TUFT1: variants seen among roughly 807,000 people sequenced by gnomAD.
TUFT1 encodes tuftelin.
A neutral mutation model predicts 57.8 loss-of-function variants in TUFT1; 43 were observed. That is an observed-to-expected ratio of 0.74 (90% CI 0.58 to 0.96). TUFT1 has a LOEUF of 0.96. Among genes scored for constraint, TUFT1 ranks in the 40% least tolerant of loss-of-function variants. TUFT1 has a pLI of 0.00. For synonymous variants in TUFT1, 166 were observed against 176.7 expected (o/e 0.94, Z 0.48); for missense variants, 459 against 489.0 (o/e 0.94, Z 0.58).
chr1:151,570,514 T>C (rs1001453619), intron 7 of TUFT1, among the ~76,000 whole-genome samples: 3 of 151,980 alleles, frequency 2.0e-5, no homozygotes, highest in Non-Finnish European at 4.4e-5. Context: ...TCTCCTGACC[T>C]TGTGATCCAC....
At chr1:151,544,294 T>C (rs543074324) in intron 1 of TUFT1, among the ~76,000 whole-genome samples, 2 of 152,068 alleles carry the variant, frequency 1.3e-5, no homozygotes, top group African/African-American at 4.8e-5. Context: ...AATCACCTTT[T>C]TTTTGGGCGG....
At position 151,574,198 on chromosome 1, in the gene TUFT1, C is replaced by T. The variant is rs138786749; in HGVS notation, c.595-72C>T. 581 of 1,549,146 alleles carry T rather than the reference C, an allele frequency of 3.8e-4. 1 individual carries two copies. The African/African-American group carries it at 6.9e-3, about 18-fold the overall frequency. On this transcript the variant is annotated intron_variant, in intron 7 of 12. Coordinates refer to ENST00000368849, the MANE Select transcript of TUFT1 (RefSeq NM_020127.3). ...CCAGAGCCGCCCAGGTTCCTGGGTTCTTTTCTAAGGTTTTTTTCCATGTTT... is the reference window on the plus strand; with the variant it reads ...CCAGAGCCGCCCAGGTTCCTGGGTTTTTTTCTAAGGTTTTTTTCCATGTTT...
intron 1 of TUFT1, among the ~76,000 whole-genome samples, chr1:151,541,161 C>T (rs1246066888): frequency 6.6e-6 from 1 of 152,012 alleles, no homozygotes; most frequent in Admixed American, 6.6e-5. Context: ...GCCGCCAGGC[C>T]CTGGGATAGT....
At chr1:151,581,400 C>T (rs1363831598) in intron 12 of TUFT1, among the ~76,000 whole-genome samples, 2 of 152,194 alleles carry the variant, frequency 1.3e-5, no homozygotes, top group East Asian at 3.9e-4. Flanking sequence ...ATATCCACTT[C>T]TCAGTTGTTT....
At chr1:151,561,965 G>C (rs1665910880) in intron 1 of TUFT1, 126 bp from the exon 2 acceptor site, 1 of 1,479,516 alleles carries the variant, frequency 6.8e-7, no homozygotes, top group South Asian at 1.2e-5. Flanking sequence ...AGTTTTCCTA[G>C]TCTGTGAAGT....
chr1:151,557,428 G>C, intron 1 of TUFT1: 2 of 1,081,852 alleles, frequency 1.8e-6, no homozygotes, highest in Non-Finnish European at 2.8e-6. Flanking sequence ...CCCAGCCCCG[G>C]CCCCTACAGC....
At chr1:151,575,064 A>G (rs983664196) in intron 9 of TUFT1, 59 bp downstream of exon 9, 134 of 1,457,272 alleles carry the variant, frequency 9.2e-5, no homozygotes, top group Non-Finnish European at 1.2e-4. Flanking sequence ...AGGGCAGGCC[A>G]TACAGCCTGT....
At chr1:151,574,008 T>C (rs1285126430) in intron 7 of TUFT1, among the ~76,000 whole-genome samples, 2 of 152,156 alleles carry the variant, frequency 1.3e-5, no homozygotes, top group African/African-American at 2.4e-5. Context: ...ATCTGAAAAG[T>C]GGTGCTTGTG....
At chr1:151,543,690 C>G (rs183175823) in intron 1 of TUFT1, among the ~76,000 whole-genome samples, 906 of 152,180 alleles carry the variant, frequency 6.0e-3, no homozygotes, top group Non-Finnish European at 0.01. Flanking sequence ...TGAATTGGTT[C>G]CAGCTGTTTT....
At chr1:151,540,507 T>G in intron 1 of TUFT1, 81 bp downstream of exon 1, 1 of 1,524,112 alleles carries the variant, frequency 6.6e-7, no homozygotes, top group Non-Finnish European at 9.1e-7. Context: ...CCGCGCCGTG[T>G]TGGCTGACAT....
chr1:151,562,259 G>A lies in TUFT1; in HGVS notation c.135+94G>A. ...CCAAGTACTGCCTGGAGCCGACTCT[G>A]GTGATGCGAGCGTGGGAGCCCCTCC... On this transcript the variant is annotated intron_variant, in intron 2 of 12. Transcript: ENST00000368849. 12 of 1,130,248 alleles carry A rather than the reference G, an allele frequency of 1.1e-5. No homozygotes were observed. The South Asian group carries it at 1.6e-4, about 15-fold the overall frequency. The allele number at this position is 1,130,248 out of a possible 1,614,324, so 70.0% of individuals were successfully genotyped here. A position where few individuals can be genotyped will look rare whatever the true frequency, so the allele number is the denominator to read the frequency against.
intron 6 of TUFT1, among the ~76,000 whole-genome samples, chr1:151,567,289 T>C (rs1666115343): frequency 6.6e-6 from 1 of 152,070 alleles, no homozygotes; most frequent in South Asian, 2.1e-4. Flanking sequence ...TCATGGCTCA[T>C]TATATTCTCA....
intron 12 of TUFT1, 110 bp downstream of exon 12, chr1:151,581,152 A>G (rs1295943338): frequency 2.0e-6 from 2 of 1,022,028 alleles, no homozygotes; most frequent in Non-Finnish European, 2.9e-6. Flanking sequence ...TTTAAATCCA[A>G]CTTTCCTCCC....
chr1:151,548,537 G>A (rs766452962), intron 1 of TUFT1, among the ~76,000 whole-genome samples: 6 of 152,074 alleles, frequency 3.9e-5, no homozygotes, highest in South Asian at 2.1e-4. Context: ...TCTTAACCTC[G>A]TGATTCGCCT....
chr1:151,570,021 C>T (rs1666207932), intron 7 of TUFT1, among the ~76,000 whole-genome samples: 1 of 152,184 alleles, frequency 6.6e-6, no homozygotes, highest in Non-Finnish European at 1.5e-5. Context: ...GAGGGTGGTG[C>T]CCATCTGGGG....
chr1:151,566,708 T>C (rs554033645), intron 6 of TUFT1, among the ~76,000 whole-genome samples: 38 of 152,280 alleles, frequency 2.5e-4, no homozygotes, highest in African/African-American at 7.2e-4. Flanking sequence ...ATACACACCA[T>C]ATATACATGA....
chr1:151,541,489 G>A (rs1665165732), intron 1 of TUFT1, among the ~76,000 whole-genome samples: 1 of 152,040 alleles, frequency 6.6e-6, no homozygotes, highest in South Asian at 2.1e-4. Context: ...TGAAAACTAA[G>A]GTGATGGGGA....
At position 151,574,943 on chromosome 1, in the gene TUFT1, A is replaced by G; in HGVS notation, c.756A>G (p.Glu252=). 6.3e-7 allele frequency: 1 copy of G among 1,578,350 alleles called. No homozygotes were observed. Among genetic ancestry groups the G allele is most frequent in the Non-Finnish European group, 8.6e-7 (1 of 1,161,626 alleles). The change falls in exon 9 of 13, where the codon GAA becomes GAG. Residue 252 remains glutamate (E), a synonymous_variant. Transcript: ENST00000368849. The part of the protein sequence containing the change: ...EHQALLAKVR[E]GEVALEELRS... ...AGGCCTTACTGGCGAAAGTGAGGGA[A>G]GGGGAGGTGGCCCTAGAGGAACTTC...
chr1:151,546,003 CTTTTTTTT>C, intron 1 of TUFT1: 1 of 202,710 alleles, frequency 4.9e-6, no homozygotes, highest in Non-Finnish European at 1.1e-5. Flanking sequence ...GCATTTTTTT[CTTTTTTTT>C]TTTTTTCTAC....
Sources: gnomAD v4.1 joint callset for allele counts (sites outside exome capture counted in the v4.1 genomes callset) on GRCh38, gnomAD v4.1.1 for gene constraint, MANE v1.5 for transcripts, NCBI Gene and HGNC (gene_info 2026-07-23, HGNC 2026-07-21) for gene names.